The following KIF5C variants were observed in gnomAD, a reference collection of about 807,000 sequenced individuals.
The protein encoded by KIF5C is kinesin heavy chain isoform 5C.
KIF5C carries 18 observed loss-of-function variants against 125.2 expected under a neutral mutation model. The ratio of observed to expected loss-of-function variants is 0.14; its 90% confidence interval spans 0.10 to 0.21. KIF5C has a LOEUF of 0.21. KIF5C is among the 10% of genes least tolerant of loss of function. The probability of loss-of-function intolerance (pLI) is 1.00; values close to 1 mark genes in which losing one functional copy is unlikely to be tolerated. For missense variants in KIF5C, 780 were observed against 1,183.8 expected, an observed-to-expected ratio of 0.66 and a Z score of 5.01; for synonymous variants, 405 against 434.0, an observed-to-expected ratio of 0.93 and a Z score of 0.83.
At chr2:148,981,628 C>A in intron 14 of KIF5C, 67 bp downstream of exon 14, 1 of 1,491,064 alleles carries the variant, frequency 6.7e-7, no homozygotes, top group East Asian at 2.5e-5. Context: ...TATTGATATT[C>A]ATTGACAGAC....
At chr2:149,014,575 T>G (rs4076312) in intron 25 of KIF5C, among the ~76,000 whole-genome samples, 6,945 of 152,278 alleles carry the variant, frequency 0.046, 402 homozygotes, top group African/African-American at 0.13. Context: ...TTCAAGTTAC[T>G]TAAACTCAGG....
At chr2:148,981,261 A>G (rs954949253) in intron 13 of KIF5C, 94 bp from the exon 14 acceptor site, 5 of 1,443,390 alleles carry the variant, frequency 3.5e-6, no homozygotes, top group Non-Finnish European at 3.6e-6. Context: ...GTTTTCTTAT[A>G]TCTGGTTTTT....
At chr2:148,933,740 A>G (rs1682226791) in intron 3 of KIF5C, among the ~76,000 whole-genome samples, 1 of 150,298 alleles carries the variant, frequency 6.7e-6, no homozygotes, top group African/African-American at 2.5e-5. Flanking sequence ...TCCCACATAC[A>G]TCATACACAC....
At chr2:148,899,279 T>C (rs1462257028) in intron 1 of KIF5C, among the ~76,000 whole-genome samples, 1 of 152,242 alleles carries the variant, frequency 6.6e-6, no homozygotes, top group African/African-American at 2.4e-5. Flanking sequence ...TGCTGCTTTA[T>C]TGTTAAATAC....
chr2:148,995,265 A>G (rs1367082837), intron 17 of KIF5C, among the ~76,000 whole-genome samples: 1 of 152,154 alleles, frequency 6.6e-6, no homozygotes, highest in Non-Finnish European at 1.5e-5. Flanking sequence ...TGATTCTAAA[A>G]TTCACATTCT....
intron 19 of KIF5C, chr2:148,998,777 G>A (rs1681754811): frequency 1.0e-5 from 4 of 386,988 alleles, no homozygotes; most frequent in East Asian, 4.3e-5. Context: ...AGGTGATTCC[G>A]CTGGATGGAC....
intron 7 of KIF5C, among the ~76,000 whole-genome samples, chr2:148,943,216 G>C (rs1682447119): frequency 6.6e-6 from 1 of 152,112 alleles, no homozygotes; most frequent in Non-Finnish European, 1.5e-5. Flanking sequence ...AAAAGAAAAA[G>C]AAAGGGAAGA....
intron 1 of KIF5C, among the ~76,000 whole-genome samples, chr2:148,895,240 C>A (rs1207738328): frequency 6.6e-6 from 1 of 152,050 alleles, no homozygotes; most frequent in Non-Finnish European, 1.5e-5. Context: ...CGGGTTCAAG[C>A]GATTCTCATG....
At chr2:148,956,066 G>A (rs934019055) in intron 10 of KIF5C, among the ~76,000 whole-genome samples, 1 of 152,194 alleles carries the variant, frequency 6.6e-6, no homozygotes, top group African/African-American at 2.4e-5. Flanking sequence ...AAACCACTGG[G>A]AAAGCAGGTG....
intron 1 of KIF5C, among the ~76,000 whole-genome samples, chr2:148,899,341 G>A (rs1212867919): frequency 6.6e-6 from 1 of 152,144 alleles, no homozygotes; most frequent in Non-Finnish European, 1.5e-5. Context: ...GTGAAGTAAA[G>A]CAAATTAAAG....
At chr2:148,966,996 T>G (rs2105138139) in intron 11 of KIF5C, among the ~76,000 whole-genome samples, 1 of 152,284 alleles carries the variant, frequency 6.6e-6, no homozygotes, top group African/African-American at 2.4e-5. Flanking sequence ...TTATAGCAGC[T>G]CCAGGTAAGA....
intron 14 of KIF5C, among the ~76,000 whole-genome samples, 158 bp downstream of exon 14, chr2:148,981,719 C>T (rs577843174): frequency 2.0e-5 from 3 of 152,290 alleles, no homozygotes; most frequent in East Asian, 1.9e-4. Flanking sequence ...TGAAATACTT[C>T]GTGCAAGTGA....
At chr2:148,883,340 A>C (rs1558870539) in intron 1 of KIF5C, among the ~76,000 whole-genome samples, 1 of 152,090 alleles carries the variant, frequency 6.6e-6, no homozygotes. Context: ...TCTCTACTAA[A>C]AATACAAAAA....
At chr2:148,941,504 T>TAA in intron 4 of KIF5C, 106 bp from the exon 5 acceptor site, 2 of 1,437,276 alleles carry the variant, frequency 1.4e-6, no homozygotes, top group Non-Finnish European at 1.9e-6. Flanking sequence ...CCCCTCTTCT[T>TAA]ACTCTTCTTA....
At chr2:149,008,802 A>G (rs1682089762) in intron 23 of KIF5C, among the ~76,000 whole-genome samples, 1 of 152,098 alleles carries the variant, frequency 6.6e-6, no homozygotes, top group African/African-American at 2.4e-5. Context: ...TTGACTTGTT[A>G]AGTCTTCTTC....
chr2:148,898,648 C>T (rs902566455), intron 1 of KIF5C, among the ~76,000 whole-genome samples: 13 of 152,250 alleles, frequency 8.5e-5, no homozygotes, highest in South Asian at 2.1e-4. Flanking sequence ...GGAATACAGG[C>T]GGCCGCTAGA....
chr2:148,980,675 CTTATTTATTTATTTATTTAT>C (rs5835290), intron 13 of KIF5C, among the ~76,000 whole-genome samples: 3,608 of 144,666 alleles, frequency 0.025, 143 homozygotes, highest in African/African-American at 0.08. Context: ...AGATCCTTTG[CTTATTTATTTATTTATTTAT>C]TTATTTATTT....
chr2:148,992,192 C>T (rs1681546148), intron 16 of KIF5C, among the ~76,000 whole-genome samples: 1 of 152,082 alleles, frequency 6.6e-6, no homozygotes, highest in Admixed American at 6.5e-5. Flanking sequence ...AATGGATCCA[C>T]AAGGTTCCAT....
chr2:148,986,915 A>G (rs1211133960), intron 15 of KIF5C, among the ~76,000 whole-genome samples: 1 of 152,216 alleles, frequency 6.6e-6, no homozygotes, highest in African/African-American at 2.4e-5. Flanking sequence ...GATGAGCCCA[A>G]TGTTAACTTT....
Sources: allele counts gnomAD v4.1 joint callset (sites outside exome capture counted in the v4.1 genomes callset), GRCh38; gene constraint gnomAD v4.1.1; transcripts MANE v1.5; gene names NCBI Gene and HGNC (gene_info 2026-07-23, HGNC 2026-07-21).